Variants in INVS observed in about 807,000 individuals in gnomAD.
INVS encodes the protein inversion of embryo turning homolog.
INVS carries 86 observed loss-of-function variants against 108.8 expected under a neutral mutation model. The ratio of observed to expected loss-of-function variants is 0.79; its 90% confidence interval spans 0.66 to 0.95. The LOEUF (loss-of-function observed/expected upper bound fraction) is 0.95. INVS is among the 40% of genes least tolerant of loss of function. INVS has a pLI of 0.00. For synonymous variants in INVS, 455 were observed against 473.5 expected, an observed-to-expected ratio of 0.96 and a Z score of 0.51; for missense variants, 1,169 against 1,297.4, an observed-to-expected ratio of 0.90 and a Z score of 1.52.
At chr9:100,202,695 T>G (rs1830567186) in intron 3 of INVS, among the ~76,000 whole-genome samples, 1 of 152,216 alleles carries the variant, frequency 6.6e-6, no homozygotes, top group Non-Finnish European at 1.5e-5. Flanking sequence ...TTAAAGAAGT[T>G]GCTGCACCTC....
chr9:100,104,214 T>A (rs1226012992), intron 1 of INVS, among the ~76,000 whole-genome samples: 1 of 152,062 alleles, frequency 6.6e-6, no homozygotes, highest in African/African-American at 2.4e-5. Context: ...GGACTAGGAC[T>A]ATAGCTTTTT....
chr9:100,229,515 C>T, intron 4 of INVS, 145 bp from the exon 5 acceptor site: 1 of 712,260 alleles, frequency 1.4e-6, no homozygotes, highest in African/African-American at 1.8e-5. Context: ...CGGTTGAACA[C>T]AGAGACCTGA....
At position 100,292,436 on chromosome 9, in the gene INVS, G is replaced by A. The variant is rs1345469082; in HGVS notation, c.2179G>A (p.Gly727Ser). ...AGTTCCCTCTGTTGAGAAGTCCAGA[G>A]GTGAGACAGCTGGCGATGAGCGGTG... Reference protein sequence around the residue: ...PGVPSVEKSRGETAGDERCAK... With the variant: ...PGVPSVEKSRSETAGDERCAK... The change falls in exon 14 of 17, where the codon GGT becomes AGT. Residue 727 changes from glycine (G) to serine (S), a missense_variant. Coordinates refer to ENST00000262457, the MANE Select transcript of INVS (RefSeq NM_014425.5). 2.5e-6 allele frequency: 4 copies of A among 1,614,180 alleles called. No homozygotes were observed. Among genetic ancestry groups the A allele is most frequent in the African/African-American group, 2.7e-5 (2 of 75,038 alleles).
chr9:100,177,575 G>C (rs1588064450), intron 3 of INVS, among the ~76,000 whole-genome samples: 1 of 152,306 alleles, frequency 6.6e-6, no homozygotes, highest in East Asian at 1.9e-4. Flanking sequence ...TGCCTCTCTA[G>C]ATTCCTCCTC....
intron 10 of INVS, among the ~76,000 whole-genome samples, chr9:100,253,683 C>A (rs370698788): frequency 6.6e-6 from 1 of 151,974 alleles, no homozygotes; most frequent in South Asian, 2.1e-4. Flanking sequence ...TCTGTCCTTG[C>A]GATAGTTTGC....
rs1833964004 is a variant in INVS at position 100,301,305 on chromosome 9, T to C, written c.*631T>C. ...TACATTCTGGTGATTCCTTACATTT[T>C]ACAGTTCCTACGTTAGCCTCTCAAG... On this transcript the variant is annotated 3_prime_UTR_variant, in exon 17 of 17. Coordinates refer to ENST00000262457, the MANE Select transcript of INVS (RefSeq NM_014425.5). 6.6e-6 allele frequency among the ~76,000 whole-genome samples: 1 copy of C among 152,208 alleles called. No individual in the cohort carries two copies. Among genetic ancestry groups the C allele is most frequent in the Non-Finnish European group, 1.5e-5 (1 of 68,040 alleles).
At position 100,126,416 on chromosome 9, in the gene INVS, T is replaced by G; in HGVS notation, c.140T>G (p.Phe47Cys). Residue 47 changes from phenylalanine (F) to cysteine (C), a missense_variant, in exon 3 of 17, where the codon TTT becomes TGT. Around this residue, in one of 3 missense-constraint regions of INVS, gnomAD observed 365 missense variants for 397.5 expected, o/e 0.92. Transcript: ENST00000262457. ...NSALKDKEDQ[F>C]GRTPLMYCVL... ...GCTCTTAAAGACAAAGAAGATCAGT[T>G]TGGGAGAACACCACTTATGTATTGC... 2.5e-6 allele frequency: 4 copies of G among 1,614,082 alleles called. No homozygotes were observed. The highest frequency in any genetic ancestry group is 3.4e-6 in the Non-Finnish European group (4 of 1,179,932).
intron 11 of INVS, 55 bp from the exon 12 acceptor site, chr9:100,272,809 T>G: frequency 6.9e-7 from 1 of 1,445,356 alleles, no homozygotes; most frequent in Non-Finnish European, 9.7e-7. Context: ...AGTTTAACTG[T>G]GCCTTAAATT....
intron 11 of INVS, among the ~76,000 whole-genome samples, chr9:100,269,263 C>G (rs922718882): frequency 5.3e-5 from 8 of 152,148 alleles, no homozygotes; most frequent in Non-Finnish European, 7.4e-5. Flanking sequence ...ACTAAATGAC[C>G]TCTAAAATTC....
At chr9:100,116,389 G>A (rs976485352) in intron 2 of INVS, among the ~76,000 whole-genome samples, 1 of 152,084 alleles carries the variant, frequency 6.6e-6, no homozygotes, top group Non-Finnish European at 1.5e-5. Context: ...GATTACAGGT[G>A]TGAGCACTGC....
intron 3 of INVS, chr9:100,130,174 C>T (rs1277998059): frequency 6.6e-6 from 1 of 152,552 alleles, no homozygotes; most frequent in East Asian, 1.9e-4. Flanking sequence ...ATTTTCCCAA[C>T]ACAACCTAGT....
At chr9:100,136,789 C>G (rs10988979) in intron 3 of INVS, among the ~76,000 whole-genome samples, 31,892 of 152,116 alleles carry the variant, frequency 0.21, 5,685 homozygotes, top group African/African-American at 0.49. Context: ...CGTGTAATCC[C>G]AGTGCTTTGG....
intron 12 of INVS, among the ~76,000 whole-genome samples, chr9:100,282,699 G>C (rs1833317971): frequency 6.6e-6 from 1 of 152,170 alleles, no homozygotes; most frequent in Non-Finnish European, 1.5e-5. Context: ...TCTGCAATTT[G>C]TCAGGTTGCC....
rs1175559953 is a variant in INVS, at chr9:100,300,777, C to T, written c.*103C>T. 8.8e-6 allele frequency: 7 copies of T among 794,414 alleles called. No homozygotes were observed. Among genetic ancestry groups the T allele is most frequent in the East Asian group, 5.2e-5 (2 of 38,114 alleles). 49.2% of individuals were successfully genotyped at this position (794,414 alleles called of 1,614,324 possible). ...TACACCTTGGGAAAACTTTAATATC[C>T]GTACCTGAAGGCTGATTCACCTAAA... On this transcript the variant is annotated 3_prime_UTR_variant, in exon 17 of 17. Coordinates refer to ENST00000262457, the MANE Select transcript of INVS (RefSeq NM_014425.5).
intron 2 of INVS, among the ~76,000 whole-genome samples, chr9:100,124,546 T>TAAA (rs55879793): frequency 5.6e-4 from 77 of 136,920 alleles, no homozygotes; most frequent in Middle Eastern, 3.7e-3. Context: ...AGACCCTCAT[T>TAAA]AAAAAAAAAA....
Position 100,242,622 on chromosome 9 carries a change from C to T in INVS, c.849C>T (p.Ile283=), listed in dbSNP as rs886038605. ...LLLERNKSGT[I]PSDSQGATPL... ...TAGAAAGAAATAAGTCTGGAACTAT[C>T]CCATCTGACAGCCAAGGAGCCACAC... The change falls in exon 7 of 17, where the codon ATC becomes ATT. Residue 283 remains isoleucine, a synonymous_variant. Coordinates refer to ENST00000262457, the MANE Select transcript of INVS (RefSeq NM_014425.5). 5 of 1,612,454 alleles carry T rather than the reference C, an allele frequency of 3.1e-6. No homozygotes were observed. The South Asian group carries it at 4.4e-5, about 14-fold the overall frequency.
At chr9:100,172,069 T>C (rs965862130) in intron 3 of INVS, among the ~76,000 whole-genome samples, 1 of 152,028 alleles carries the variant, frequency 6.6e-6, no homozygotes, top group Non-Finnish European at 1.5e-5. Flanking sequence ...TAAAGAGTCC[T>C]GACTTAGATC....
chr9:100,286,296 A>C (rs1588146355), intron 13 of INVS, among the ~76,000 whole-genome samples: 1 of 152,192 alleles, frequency 6.6e-6, no homozygotes, highest in South Asian at 2.1e-4. Context: ...ACTCACACCT[A>C]TAATCCCAAC....
chr9:100,218,219 A>G (rs1831049488), intron 3 of INVS, among the ~76,000 whole-genome samples: 1 of 152,216 alleles, frequency 6.6e-6, no homozygotes, highest in African/African-American at 2.4e-5. Flanking sequence ...ATTTATATAT[A>G]TATAGTGAGC....
Sources: gnomAD v4.1 joint callset for allele counts (sites outside exome capture counted in the v4.1 genomes callset) on GRCh38, gnomAD v4.1.1 for gene constraint, gnomAD v4.1.1 regional missense constraint, MANE v1.5 for transcripts, NCBI Gene and HGNC (gene_info 2026-07-23, HGNC 2026-07-21) for gene names.